EIF3H: variants seen among roughly 807,000 people sequenced by gnomAD.
EIF3H encodes the protein eIF-3-gamma.
A neutral mutation model predicts 44.2 loss-of-function variants in EIF3H; 26 were observed. That is an observed-to-expected ratio of 0.59 (90% confidence interval 0.43 to 0.82). EIF3H has a LOEUF of 0.82. EIF3H is among the 40% of genes least tolerant of loss of function. The pLI, the probability that EIF3H is intolerant of heterozygous loss-of-function variation, is 0.00. For missense variants in EIF3H, 359 were observed against 432.8 expected, an observed-to-expected ratio of 0.83 and a Z score of 1.51; for synonymous variants, 166 against 151.9, an observed-to-expected ratio of 1.09 and a Z score of -0.68.
intron 1 of EIF3H, among the ~76,000 whole-genome samples, chr8:116,730,570 T>C (rs931584791): frequency 2.6e-5 from 4 of 152,186 alleles, no homozygotes; most frequent in African/African-American, 9.7e-5. Context: ...CTAAATGACA[T>C]ACATACTTCT....
chr8:116,722,044 T>G (rs1475422089), intron 2 of EIF3H, among the ~76,000 whole-genome samples: 1 of 152,102 alleles, frequency 6.6e-6, no homozygotes, highest in African/African-American at 2.4e-5. Flanking sequence ...AGAGCCAGGG[T>G]GGAATGATAT....
At chr8:116,697,606 A>G (rs906509797) in intron 2 of EIF3H, among the ~76,000 whole-genome samples, 1 of 152,100 alleles carries the variant, frequency 6.6e-6, no homozygotes, top group Non-Finnish European at 1.5e-5. Context: ...TTACAAATTT[A>G]TGTTTACCCC....
chr8:116,666,874 T>A (rs1223151159), intron 2 of EIF3H, among the ~76,000 whole-genome samples: 1 of 151,048 alleles, frequency 6.6e-6, no homozygotes, highest in Admixed American at 6.6e-5. Flanking sequence ...CTGAAAATAT[T>A]TCCAAAGAAT....
chr8:116,679,439 C>A (rs1586451074), intron 2 of EIF3H, among the ~76,000 whole-genome samples: 1 of 53,074 alleles, frequency 1.9e-5, no homozygotes, highest in African/African-American at 4.6e-5. Context: ...TGGCCAGCCG[C>A]CCCGTCCGGG....
Position 116,664,989 on chromosome 8 carries a change from T to C in EIF3H, c.290-6009A>G, listed in dbSNP as rs542348318. On this transcript the variant is annotated intron_variant, in intron 2 of 7. Transcript: ENST00000521861. ...GTTCCACATATGTTATCTAACTTTA[T>C]ATTCCTCACAATAACTCTAATGAGC... Among the ~76,000 whole-genome samples, 80 of 152,344 alleles carry C rather than the reference T, an allele frequency of 5.3e-4. No homozygotes were observed. The South Asian group carries it at 6.6e-3, about 13-fold the overall frequency.
intron 1 of EIF3H, among the ~76,000 whole-genome samples, chr8:116,730,662 A>G (rs1452516526): frequency 1.3e-5 from 2 of 152,186 alleles, no homozygotes; most frequent in Non-Finnish European, 2.9e-5. Context: ...TTTAATAGAG[A>G]CAGAATCCAT....
intron 1 of EIF3H, among the ~76,000 whole-genome samples, chr8:116,735,800 G>GA (rs578239452): frequency 0.024 from 3,178 of 133,620 alleles, 60 homozygotes; most frequent in African/African-American, 0.062. Flanking sequence ...TGGGCATGCA[G>GA]AAAAAAAAAA....
rs551044440 is a variant in EIF3H, at chr8:116,651,650, T to C, written c.708-2724A>G. ...CTTCTTTCATATTTATTTTGTTGTGTTGTAATTTTTTAAATCACTTTTAAC... is the reference window on the plus strand; with the variant it reads ...CTTCTTTCATATTTATTTTGTTGTGCTGTAATTTTTTAAATCACTTTTAAC... On this transcript the variant is annotated intron_variant, in intron 5 of 7. Coordinates refer to ENST00000521861, the MANE Select transcript of EIF3H (RefSeq NM_003756.3). 4.1e-4 allele frequency among the ~76,000 whole-genome samples: 63 copies of C among 152,358 alleles called. 1 individual carries two copies. In the South Asian group the frequency reaches 0.012, roughly 29 times the overall value.
chr8:116,751,591 GAGAT>G (rs1253266248), intron 1 of EIF3H, among the ~76,000 whole-genome samples: 2 of 152,222 alleles, frequency 1.3e-5, no homozygotes, highest in Non-Finnish European at 2.9e-5. Context: ...AGATGCCTAT[GAGAT>G]ATCCAAATAG....
intron 1 of EIF3H, among the ~76,000 whole-genome samples, chr8:116,736,150 T>C (rs1815035385): frequency 1.3e-5 from 2 of 152,318 alleles, no homozygotes; most frequent in East Asian, 1.9e-4. Context: ...ACACATATGA[T>C]TTCATTTATA....
chr8:116,721,503 G>A (rs551797149), intron 2 of EIF3H, among the ~76,000 whole-genome samples: 10 of 152,314 alleles, frequency 6.6e-5, no homozygotes, highest in African/African-American at 2.2e-4. Context: ...GTGAGAAGAC[G>A]GCCACCGTCC....
intron 2 of EIF3H, among the ~76,000 whole-genome samples, chr8:116,720,209 AT>A (rs1336319439): frequency 6.6e-6 from 1 of 152,242 alleles, no homozygotes; most frequent in Non-Finnish European, 1.5e-5. Flanking sequence ...GTTAAAATAT[AT>A]TTTAATATTT....
At chr8:116,679,408 T>TG (rs1420410340) in intron 2 of EIF3H, among the ~76,000 whole-genome samples, 2 of 45,122 alleles carry the variant, frequency 4.4e-5, no homozygotes, top group Admixed American at 4.3e-4. Context: ...GGGAGGGAGG[T>TG]GGGGGGATCA....
chr8:116,744,438 A>T (rs1014652621), intron 1 of EIF3H, among the ~76,000 whole-genome samples: 13 of 152,178 alleles, frequency 8.5e-5, no homozygotes, highest in Non-Finnish European at 2.9e-5. Context: ...TTTTTCTCTT[A>T]TATGCTTGAG....
intron 2 of EIF3H, among the ~76,000 whole-genome samples, chr8:116,694,984 C>T (rs994795109): frequency 9.9e-5 from 15 of 151,882 alleles, no homozygotes; most frequent in Admixed American, 5.9e-4. Flanking sequence ...TGGTCCTGCC[C>T]GCTGTCTTTA....
At chr8:116,659,325 T>G (rs909531665) in intron 2 of EIF3H, among the ~76,000 whole-genome samples, 1 of 152,210 alleles carries the variant, frequency 6.6e-6, no homozygotes, top group South Asian at 2.1e-4. Context: ...ATTTGTGTAA[T>G]TACTAAATTG....
chr8:116,657,067 A>G (rs1391932273), intron 4 of EIF3H, 148 bp downstream of exon 4: 15 of 689,536 alleles, frequency 2.2e-5, no homozygotes, highest in East Asian at 2.7e-5. Flanking sequence ...AAAGGGAGAG[A>G]GCAAGCAGCA....
chr8:116,666,865 T>C (rs937344140), intron 2 of EIF3H, among the ~76,000 whole-genome samples: 1 of 151,528 alleles, frequency 6.6e-6, no homozygotes, highest in African/African-American at 2.4e-5. Context: ...AGAGAGGTGC[T>C]GAAAATATTT....
intron 2 of EIF3H, among the ~76,000 whole-genome samples, chr8:116,677,421 T>C (rs908182333): frequency 6.6e-6 from 1 of 152,232 alleles, no homozygotes; most frequent in Non-Finnish European, 1.5e-5. Flanking sequence ...GGGGCATATG[T>C]TCTAATGTGG....
Sources: gnomAD v4.1 joint callset for allele counts (sites outside exome capture counted in the v4.1 genomes callset) on GRCh38, gnomAD v4.1.1 for gene constraint, MANE v1.5 for transcripts, NCBI Gene and HGNC (gene_info 2026-07-23, HGNC 2026-07-21) for gene names.